ZFP90: variants seen among roughly 807,000 people sequenced by gnomAD.
ZFP90 encodes zinc finger protein 90 homolog.
In ZFP90, 38 loss-of-function variants were observed where a neutral mutation model predicts 60.8. That is an observed-to-expected ratio of 0.62 (90% CI 0.48 to 0.82). The LOEUF is 0.82. Ranked by LOEUF, ZFP90 falls within the 40% of genes least tolerant of loss-of-function variation. The probability of loss-of-function intolerance (pLI) is 0.00; values close to 1 mark genes in which losing one functional copy is unlikely to be tolerated. For missense variants in ZFP90, 711 were observed against 759.1 expected, an observed-to-expected ratio of 0.94 and a Z score of 0.74; for synonymous variants, 287 against 264.8, an observed-to-expected ratio of 1.08 and a Z score of -0.82.
At chr16:68,550,336 T>C (rs1207420523) in intron 2 of ZFP90, among the ~76,000 whole-genome samples, 6 of 152,214 alleles carry the variant, frequency 3.9e-5, no homozygotes, top group African/African-American at 1.4e-4. Flanking sequence ...CTTGGCTCAC[T>C]GTAACCTCCG....
intron 4 of ZFP90, among the ~76,000 whole-genome samples, chr16:68,561,347 A>AATG (rs1208339072): frequency 6.6e-6 from 1 of 152,190 alleles, no homozygotes; most frequent in Non-Finnish European, 1.5e-5. Flanking sequence ...CTTAGGTTGA[A>AATG]CTTCTCTTAA....
chr16:68,563,939 T>TG lies in ZFP90; in HGVS notation c.1153dup (p.Glu385GlyfsTer11), dbSNP rs775726956. The TG allele has an allele frequency of 1.2e-6, 2 of 1,614,138 alleles. No homozygotes were observed. ...GTCGATGTTCTTCCCTTGTCCAACA[T>TG]GAGAGGACTCATACTGGAGAGAAAC... On this transcript the variant is annotated frameshift_variant, in exon 5 of 5. Transcript: ENST00000563169. LOFTEE classifies it high-confidence loss of function.
chr16:68,563,281 G>C lies in ZFP90; in HGVS notation c.494G>C (p.Arg165Thr). The C allele has an allele frequency of 6.2e-7, 1 of 1,614,008 alleles. No individual in the cohort carries two copies. Among genetic ancestry groups the C allele is most frequent in the African/African-American group, 1.3e-5 (1 of 75,004 alleles). Residue 165 changes from arginine (R) to threonine (T), a missense_variant, in exon 5 of 5, where the codon AGA (arginine) becomes ACA (threonine). By Grantham distance (71) the Arg-to-Thr change is moderately conservative. Around this residue, in one of 5 missense-constraint regions of ZFP90, gnomAD observed 241 missense variants for 247.6 expected, o/e 0.97. Transcript: ENST00000563169. ...FEQNKFGENS[R>T]LNTNLVTQLN... ...CAAAATAAATTTGGTGAAAATTCTAGATTGAACACCAATTTGGTTACACAA... is the reference window on the plus strand; with the variant it reads ...CAAAATAAATTTGGTGAAAATTCTACATTGAACACCAATTTGGTTACACAA...
chr16:68,536,053 T>C (rs1279273857), upstream of ZFP90, among the ~76,000 whole-genome samples: 1 of 152,196 alleles, frequency 6.6e-6, no homozygotes, highest in Non-Finnish European at 1.5e-5. Flanking sequence ...ACCTTTCCCC[T>C]GGGGGCTAAA....
chr16:68,539,929 A>G, intron 2 of ZFP90, 104 bp downstream of exon 2: 2 of 1,473,432 alleles, frequency 1.4e-6, no homozygotes, highest in Non-Finnish European at 1.8e-6. Flanking sequence ...CGACTCCCTT[A>G]CTTGCTTGGC....
chr16:68,540,372 G>A (rs1005343260), intron 2 of ZFP90, among the ~76,000 whole-genome samples: 1 of 152,150 alleles, frequency 6.6e-6, no homozygotes, highest in African/African-American at 2.4e-5. Flanking sequence ...GATTCTCCCA[G>A]AGCTTTTTGT....
At chr16:68,557,974 T>C (rs1337946075) in intron 2 of ZFP90, 24 bp from the exon 3 acceptor site, 10 of 1,613,134 alleles carry the variant, frequency 6.2e-6, no homozygotes, top group Non-Finnish European at 8.5e-6. Flanking sequence ...TGATCCCCAG[T>C]TGAACAGGAA....
chr16:68,539,415 T>C lies in ZFP90; in HGVS notation c.-100T>C, dbSNP rs2090993831. On this transcript the variant is annotated 5_prime_UTR_variant, in exon 1 of 5. Coordinates refer to ENST00000563169, the MANE Select transcript of ZFP90 (RefSeq NM_001305203.2). ...AGGCTTCGGCGGGGGCGGGAGGAGCTGCCCGAGGCTCTGGGTGGGCCGGAG... is the reference window on the plus strand; with the variant it reads ...AGGCTTCGGCGGGGGCGGGAGGAGCCGCCCGAGGCTCTGGGTGGGCCGGAG... 3.2e-6 allele frequency: 1 copy of C among 311,032 alleles called. No individual in the cohort carries two copies. Among genetic ancestry groups the C allele is most frequent in the Non-Finnish European group, 5.9e-6 (1 of 168,836 alleles). 19.3% of individuals were successfully genotyped at this position (311,032 alleles called of 1,614,324 possible).
Position 68,539,386 on chromosome 16 carries a change from A to C in ZFP90, c.-129A>C. The C allele has an allele frequency of 4.0e-6, 1 of 248,206 alleles. No homozygotes were observed. The highest frequency in any genetic ancestry group is 2.2e-5 in the African/African-American group (1 of 45,046). 15.4% of individuals were successfully genotyped at this position (248,206 alleles called of 1,614,324 possible). ...CCTCCGCAGATCAGAATTGGAGATAACCGAGGCTTCGGCGGGGGCGGGAGG... is the reference window on the plus strand; with the variant it reads ...CCTCCGCAGATCAGAATTGGAGATACCCGAGGCTTCGGCGGGGGCGGGAGG... On this transcript the variant is annotated 5_prime_UTR_variant, in exon 1 of 5. Transcript: ENST00000563169.
In ZFP90 at chr16:68,539,836, C is replaced by T; in HGVS notation, c.33+11C>T. The T allele has an allele frequency of 1.2e-6, 2 of 1,606,368 alleles. No homozygotes were observed. The highest frequency in any genetic ancestry group is 1.7e-6 in the Non-Finnish European group (2 of 1,177,976). On this transcript the variant is annotated intron_variant, in intron 2 of 4. Transcript: ENST00000563169. The stretch of plus-strand genomic sequence containing the variant: ...ACCGCCGCGCCCCAGGTGAGCAACG[C>T]GTTCCTAACCTCCTGGGCATCCCAT...
chr16:68,542,181 C>T (rs145725771), intron 2 of ZFP90, among the ~76,000 whole-genome samples: 81 of 152,224 alleles, frequency 5.3e-4, no homozygotes, highest in Middle Eastern at 6.8e-3. Context: ...AGAAGTAGAG[C>T]GCAAGAGAGC....
chr16:68,538,098 G>A (rs1053519090), upstream of ZFP90, among the ~76,000 whole-genome samples: 9 of 152,052 alleles, frequency 5.9e-5, no homozygotes, highest in Non-Finnish European at 1.0e-4. Flanking sequence ...TTTTAGTAGA[G>A]ACGAGCTATC....
chr16:68,539,689 T>TGGGGCGGGGCGGGGC (rs138886232), intron 1 of ZFP90, 69 bp from the exon 2 acceptor site: 3 of 884,342 alleles, frequency 3.4e-6, no homozygotes, highest in South Asian at 1.8e-5. Context: ...GGGGCGGAGG[T>TGGGGCGGGGCGGGGC]GGGGCGGGGC....
At chr16:68,538,425 T>C (rs755386351), upstream of ZFP90, among the ~76,000 whole-genome samples, 2 of 152,146 alleles carry the variant, frequency 1.3e-5, no homozygotes, top group Non-Finnish European at 1.5e-5. Flanking sequence ...TATCTTTGTG[T>C]TGAAAATTTC....
intron 2 of ZFP90, chr16:68,575,706 A>T (rs1567418515): frequency 5.0e-6 from 2 of 397,306 alleles, no homozygotes; most frequent in East Asian, 3.6e-5. Flanking sequence ...CGGTCTGTGG[A>T]TTTACCGAGG....
At chr16:68,545,969 G>A (rs1252544046) in intron 2 of ZFP90, among the ~76,000 whole-genome samples, 1 of 152,114 alleles carries the variant, frequency 6.6e-6, no homozygotes, top group African/African-American at 2.4e-5. Context: ...GAGCCCAGGA[G>A]TTCGAAACCA....
Position 68,563,936 on chromosome 16 carries a change from A to T in ZFP90, c.1149A>T (p.Gln383His). The T allele has an allele frequency of 6.2e-7, 1 of 1,614,100 alleles. No individual in the cohort carries two copies. Among genetic ancestry groups the T allele is most frequent in the Non-Finnish European group, 8.5e-7 (1 of 1,180,000 alleles). ...TTAGTCGATGTTCTTCCCTTGTCCAACATGAGAGGACTCATACTGGAGAGA... is the reference window on the plus strand; with the variant it reads ...TTAGTCGATGTTCTTCCCTTGTCCATCATGAGAGGACTCATACTGGAGAGA... ...KAFSRCSSLV[Q>H]HERTHTGEKP... The change falls in exon 5 of 5, where the codon CAA becomes CAT. Residue 383 changes from glutamine to histidine, a missense_variant. Coordinates refer to ENST00000563169, the MANE Select transcript of ZFP90 (RefSeq NM_001305203.2).
intron 4 of ZFP90, among the ~76,000 whole-genome samples, chr16:68,559,648 GTC>G (rs2091405706): frequency 6.6e-6 from 1 of 151,752 alleles, no homozygotes; most frequent in Admixed American, 6.6e-5. Context: ...GCTCACTGCA[GTC>G]TCTGCCTCCC....
At chr16:68,545,068 A>G (rs2091123355) in intron 2 of ZFP90, among the ~76,000 whole-genome samples, 1 of 151,266 alleles carries the variant, frequency 6.6e-6, no homozygotes, top group Non-Finnish European at 1.5e-5. Flanking sequence ...TTTAGTAGAG[A>G]TGGGGTTTCG....
Sources: allele counts gnomAD v4.1 joint callset (sites outside exome capture counted in the v4.1 genomes callset), GRCh38; gene constraint gnomAD v4.1.1; regional missense constraint gnomAD v4.1.1; transcripts MANE v1.5; gene names NCBI Gene and HGNC (gene_info 2026-07-23, HGNC 2026-07-21).